Variants in TENM4 observed in about 807,000 individuals in gnomAD.
TENM4 encodes teneurin transmembrane protein 4, also known as teneurin-4.
Under a neutral mutation model 243.3 loss-of-function variants are expected in TENM4, and 82 were observed. The ratio of observed to expected loss-of-function variants is 0.34; its 90% confidence interval spans 0.28 to 0.40. The LOEUF (loss-of-function observed/expected upper bound fraction) is 0.40. TENM4 is among the 10% of genes least tolerant of loss of function. The probability of loss-of-function intolerance (pLI) is 1.00; values close to 1 mark genes in which losing one functional copy is unlikely to be tolerated. For missense variants in TENM4, 3,138 were observed against 3,673.3 expected (o/e 0.85, Z 3.77); for synonymous variants, 1,412 against 1,456.3 (o/e 0.97, Z 0.69).
At chr11:78,976,940 G>A (rs553292665) in intron 6 of TENM4, among the ~76,000 whole-genome samples, 4 of 152,256 alleles carry the variant, frequency 2.6e-5, no homozygotes, top group Admixed American at 6.5e-5. Flanking sequence ...ACATAGCTCC[G>A]TAACAGGAAT....
At chr11:78,830,754 C>G (rs1468095979) in intron 12 of TENM4, among the ~76,000 whole-genome samples, 7 of 152,166 alleles carry the variant, frequency 4.6e-5, no homozygotes, top group African/African-American at 1.4e-4. Context: ...CACTCAGCCG[C>G]CAGGACAGTA....
chr11:78,811,535 G>A (rs573095676), intron 14 of TENM4, among the ~76,000 whole-genome samples: 24 of 151,672 alleles, frequency 1.6e-4, no homozygotes, highest in Non-Finnish European at 3.2e-4. Flanking sequence ...TAAAGGAGAG[G>A]CATGCTCATG....
intron 1 of TENM4, among the ~76,000 whole-genome samples, chr11:79,320,487 T>C (rs917094294): frequency 5.3e-5 from 8 of 152,204 alleles, no homozygotes; most frequent in African/African-American, 1.9e-4. Flanking sequence ...TTATTTCTAG[T>C]CCTCACGAGC....
At chr11:79,146,804 A>G (rs1237463676) in intron 4 of TENM4, among the ~76,000 whole-genome samples, 1 of 151,952 alleles carries the variant, frequency 6.6e-6, no homozygotes, top group Non-Finnish European at 1.5e-5. Flanking sequence ...AAACTGTACC[A>G]CTCTTATCAA....
At chr11:79,002,369 C>T (rs528070048) in intron 6 of TENM4, among the ~76,000 whole-genome samples, 2 of 152,224 alleles carry the variant, frequency 1.3e-5, no homozygotes, top group Admixed American at 1.3e-4. Flanking sequence ...TCCTGCTGCC[C>T]CTTCCCTGAT....
intron 6 of TENM4, among the ~76,000 whole-genome samples, chr11:78,957,175 G>A (rs1015255284): frequency 2.0e-5 from 3 of 152,066 alleles, no homozygotes; most frequent in Non-Finnish European, 2.9e-5. Context: ...ATTTACCAAC[G>A]AGGGTCTTTT....
chr11:79,292,946 A>C (rs2135384545), intron 2 of TENM4, among the ~76,000 whole-genome samples: 1 of 152,260 alleles, frequency 6.6e-6, no homozygotes, highest in Non-Finnish European at 1.5e-5. Context: ...AGTTGCTATA[A>C]ACCCTGTACC....
intron 6 of TENM4, among the ~76,000 whole-genome samples, chr11:79,016,371 C>T (rs758698239): frequency 4.6e-5 from 7 of 151,972 alleles, no homozygotes; most frequent in Non-Finnish European, 8.8e-5. Context: ...GAAGAAAAGG[C>T]GAGAATCAAA....
chr11:79,056,922 A>G (rs1185209564), intron 6 of TENM4, among the ~76,000 whole-genome samples: 1 of 152,192 alleles, frequency 6.6e-6, no homozygotes, highest in African/African-American at 2.4e-5. Flanking sequence ...CTGGCAAGCC[A>G]TTTTGGTCAC....
chr11:79,101,264 GA>G (rs768754589), intron 4 of TENM4, among the ~76,000 whole-genome samples: 3 of 152,232 alleles, frequency 2.0e-5, no homozygotes, highest in Non-Finnish European at 2.9e-5. Context: ...AGAGATATAG[GA>G]GAAGCTGATG....
chr11:78,903,702 T>TCA, intron 6 of TENM4, 179 bp from the exon 7 acceptor site: 7 of 1,041,998 alleles, frequency 6.7e-6, no homozygotes, highest in East Asian at 2.6e-5. Context: ...TTCTAGGTGC[T>TCA]AGGGATACCT....
chr11:78,893,452 C>T (rs1224576340), intron 7 of TENM4, among the ~76,000 whole-genome samples: 1 of 152,220 alleles, frequency 6.6e-6, no homozygotes, highest in African/African-American at 2.4e-5. Flanking sequence ...CCTCCAATGG[C>T]TTCATAAGCA....
At chr11:79,421,862 C>A (rs930382979) in intron 1 of TENM4, among the ~76,000 whole-genome samples, 1 of 152,144 alleles carries the variant, frequency 6.6e-6, no homozygotes, top group Non-Finnish European at 1.5e-5. Context: ...AGATAAGAGT[C>A]CAGTTCATTC....
chr11:78,936,276 C>A (rs969582135), intron 6 of TENM4, among the ~76,000 whole-genome samples: 1 of 152,166 alleles, frequency 6.6e-6, no homozygotes, highest in African/African-American at 2.4e-5. Context: ...TGAGTCTGAG[C>A]CTCACTTTCT....
At chr11:79,284,611 G>T (rs554670641) in intron 2 of TENM4, among the ~76,000 whole-genome samples, 1 of 152,204 alleles carries the variant, frequency 6.6e-6, no homozygotes, top group Admixed American at 6.5e-5. Context: ...GAGAAAACAG[G>T]AATAAATTCT....
chr11:78,903,673 G>T, intron 6 of TENM4, 150 bp from the exon 7 acceptor site: 1 of 1,278,190 alleles, frequency 7.8e-7, no homozygotes, highest in East Asian at 2.5e-5. Flanking sequence ...CACGACAGTT[G>T]TTTATTGAGC....
intron 2 of TENM4, among the ~76,000 whole-genome samples, chr11:79,264,048 C>T (rs1332979254): frequency 4.6e-5 from 7 of 152,144 alleles, no homozygotes; most frequent in African/African-American, 1.7e-4. Flanking sequence ...CTTAGGTCTT[C>T]CAGAATGGAC....
intron 2 of TENM4, among the ~76,000 whole-genome samples, chr11:79,234,029 A>G (rs1864419470): frequency 6.6e-6 from 1 of 152,194 alleles, no homozygotes; most frequent in African/African-American, 2.4e-5. Flanking sequence ...GTTTGGACTC[A>G]GGCAGACCTG....
At chr11:79,286,833 A>C (rs1856263260) in intron 2 of TENM4, among the ~76,000 whole-genome samples, 1 of 152,208 alleles carries the variant, frequency 6.6e-6, no homozygotes, top group Non-Finnish European at 1.5e-5. Flanking sequence ...CATAATTGGG[A>C]AATAGATGAA....
Sources: allele counts gnomAD v4.1 joint callset (sites outside exome capture counted in the v4.1 genomes callset), GRCh38; gene constraint gnomAD v4.1.1; transcripts MANE v1.5; gene names NCBI Gene and HGNC (gene_info 2026-07-23, HGNC 2026-07-21).